FRMD6: variants seen among roughly 807,000 people sequenced by gnomAD.
FRMD6 encodes the protein FERM domain-containing protein 6.
Under a neutral mutation model 73.2 loss-of-function variants are expected in FRMD6, and 37 were observed. The observed-to-expected ratio is 0.51, with a 90% confidence interval of 0.39 to 0.66. The LOEUF (loss-of-function observed/expected upper bound fraction) is 0.66. FRMD6 is among the 30% of genes least tolerant of loss of function. The pLI, the probability that FRMD6 is intolerant of heterozygous loss-of-function variation, is 0.00. For synonymous variants in FRMD6, 273 were observed against 282.2 expected (o/e 0.97, Z 0.33); for missense variants, 714 against 780.5 (o/e 0.91, Z 1.02).
At chr14:51,676,383 C>T (rs1383737073) in intron 1 of FRMD6, among the ~76,000 whole-genome samples, 2 of 152,172 alleles carry the variant, frequency 1.3e-5, no homozygotes, top group Non-Finnish European at 2.9e-5. Context: ...ATTAACAATA[C>T]TAGGAGCTCT....
At chr14:51,600,612 G>A (rs1485496956) in intron 2 of FRMD6, among the ~76,000 whole-genome samples, 1 of 152,182 alleles carries the variant, frequency 6.6e-6, no homozygotes, top group African/African-American at 2.4e-5. Context: ...CAATTTTCAT[G>A]ATAAGCCTTT....
chr14:51,651,825 G>T (rs1403998677), upstream of FRMD6: 2 of 105,248 alleles, frequency 1.9e-5, no homozygotes, highest in Non-Finnish European at 4.8e-5. Flanking sequence ...GCGGGGATTC[G>T]GGGGGGCGGG....
At chr14:51,481,683 C>T in the FRMD6 span, among the ~76,000 whole-genome samples, 1 of 152,216 alleles carries the variant, frequency 6.6e-6, no homozygotes, top group Non-Finnish European at 1.5e-5. Context: ...TCTTACACTG[C>T]AAGCAACTTA....
intron 1 of FRMD6, among the ~76,000 whole-genome samples, chr14:51,652,458 G>A (rs1366363745): frequency 6.6e-6 from 1 of 152,216 alleles, no homozygotes; most frequent in Non-Finnish European, 1.5e-5. Flanking sequence ...ACCCAGGTCT[G>A]TGTCGCTGTG....
chr14:51,514,885 A>C (rs1262886902), intron 1 of FRMD6, among the ~76,000 whole-genome samples: 1 of 152,200 alleles, frequency 6.6e-6, no homozygotes, highest in African/African-American at 2.4e-5. Context: ...CGACAAGAGG[A>C]GAAAGGAAGC....
chr14:51,656,790 T>G (rs1479102561), intron 1 of FRMD6, among the ~76,000 whole-genome samples: 7 of 152,192 alleles, frequency 4.6e-5, no homozygotes, highest in East Asian at 1.9e-4. Context: ...ATCAAGAAAC[T>G]AGGTAGAGAT....
chr14:51,582,398 G>GAT (rs1888776117), intron 2 of FRMD6, among the ~76,000 whole-genome samples: 2 of 152,100 alleles, frequency 1.3e-5, no homozygotes, highest in Admixed American at 1.3e-4. Context: ...AAATAATTGT[G>GAT]GACTCAGCTT....
At chr14:51,624,679 T>G (rs1245009811) in intron 2 of FRMD6, among the ~76,000 whole-genome samples, 1 of 152,204 alleles carries the variant, frequency 6.6e-6, no homozygotes, top group Non-Finnish European at 1.5e-5. Context: ...AAGAGTGTCA[T>G]CTGGAGCTCC....
intron 1 of FRMD6, among the ~76,000 whole-genome samples, chr14:51,538,479 A>C (rs1886026136): frequency 6.6e-6 from 1 of 152,176 alleles, no homozygotes; most frequent in Non-Finnish European, 1.5e-5. Context: ...TGCCTAATCC[A>C]AGAACAGGAA....
intron 1 of FRMD6, among the ~76,000 whole-genome samples, chr14:51,684,679 A>G (rs1323283600): frequency 1.3e-5 from 2 of 152,078 alleles, no homozygotes; most frequent in Non-Finnish European, 2.9e-5. Context: ...TAGTGAGTAG[A>G]GGCCAGGGCT....
chr14:51,464,545 A>G, the FRMD6 span, among the ~76,000 whole-genome samples: 1 of 152,226 alleles, frequency 6.6e-6, no homozygotes, highest in African/African-American at 2.4e-5. Flanking sequence ...GTATTTCTGA[A>G]GGCGGGGATG....
the FRMD6 span, among the ~76,000 whole-genome samples, chr14:51,458,387 G>A: frequency 2.6e-5 from 4 of 152,150 alleles, no homozygotes; most frequent in African/African-American, 9.7e-5. Flanking sequence ...AGCTTCCATG[G>A]AAGGTTTTGA....
chr14:51,400,235 T>C, the FRMD6 span, among the ~76,000 whole-genome samples: 1 of 152,232 alleles, frequency 6.6e-6, no homozygotes, highest in South Asian at 2.1e-4. Context: ...TCTGTCTAAC[T>C]GAAACTGGTG....
rs1246341352 is a variant in FRMD6, at chr14:51,727,938, T to G, written c.1778T>G (p.Ile593Ser). ...YCNSCLAQQC[I>S]NIQDAFPVKR... ...AACAGTTGCTTGGCCCAGCAGTGCA[T>G]CAACATCCAAGATGCTTTTCCAGTC... The change falls in exon 14 of 14, where the codon ATC becomes AGC. Residue 593 changes from isoleucine to serine, a missense_variant. By Grantham distance (142) the Ile-to-Ser change is moderately radical. Transcript: ENST00000344768. 3 of 1,614,032 alleles carry G rather than the reference T, an allele frequency of 1.9e-6. No individual in the cohort carries two copies. The African/African-American group carries it at 4.0e-5, about 22-fold the overall frequency.
At chr14:51,600,584 A>C (rs967514365) in intron 2 of FRMD6, among the ~76,000 whole-genome samples, 4 of 152,192 alleles carry the variant, frequency 2.6e-5, no homozygotes, top group African/African-American at 9.7e-5. Context: ...CTACACCCCC[A>C]CAGTTACAGC....
chr14:51,596,790 T>C (rs1889740912), intron 2 of FRMD6, among the ~76,000 whole-genome samples: 1 of 152,104 alleles, frequency 6.6e-6, no homozygotes. Flanking sequence ...GCAATGATAG[T>C]GTAGAGACTC....
At chr14:51,532,030 T>C (rs748251089) in intron 1 of FRMD6, among the ~76,000 whole-genome samples, 1 of 152,242 alleles carries the variant, frequency 6.6e-6, no homozygotes, top group Non-Finnish European at 1.5e-5. Flanking sequence ...CATCGCTGAA[T>C]ATCTGTCAAA....
chr14:51,534,107 G>A (rs566523498), intron 1 of FRMD6, among the ~76,000 whole-genome samples: 3 of 152,288 alleles, frequency 2.0e-5, no homozygotes, highest in Admixed American at 2.0e-4. Flanking sequence ...ATGGAGGGTG[G>A]GGGTACACAG....
chr14:51,581,747 T>A (rs988748069), intron 2 of FRMD6, among the ~76,000 whole-genome samples: 1 of 152,186 alleles, frequency 6.6e-6, no homozygotes, highest in Non-Finnish European at 1.5e-5. Context: ...GGATTCAGAG[T>A]GTCTAAGCAG....
Sources: gnomAD v4.1 joint callset for allele counts (sites outside exome capture counted in the v4.1 genomes callset) on GRCh38, gnomAD v4.1.1 for gene constraint, MANE v1.5 for transcripts, NCBI Gene and HGNC (gene_info 2026-07-23, HGNC 2026-07-21) for gene names.